The following SCARA5 variants were observed in gnomAD, a reference collection of about 807,000 sequenced individuals.
The protein encoded by SCARA5 is scavenger receptor class A, member 5 (putative).
Under a neutral mutation model 46.3 loss-of-function variants are expected in SCARA5, and 45 were observed. The ratio of observed to expected loss-of-function variants is 0.97; its 90% CI spans 0.76 to 1.24. The LOEUF is 1.24. Among genes scored for constraint, SCARA5 ranks in the 50% most tolerant of loss-of-function variants. SCARA5 has a pLI of 0.00. For synonymous variants in SCARA5, 333 were observed against 306.5 expected (o/e 1.09, Z -0.90); for missense variants, 680 against 689.0 (o/e 0.99, Z 0.15).
At chr8:27,899,918 A>G (rs1376562265) in intron 7 of SCARA5, among the ~76,000 whole-genome samples, 1 of 152,160 alleles carries the variant, frequency 6.6e-6, no homozygotes, top group African/African-American at 2.4e-5. Flanking sequence ...CAGGCAGATC[A>G]CCTGAGGTCA....
At chr8:27,966,574 G>A in intron 2 of SCARA5, 32 bp from the exon 3 acceptor site, 1 of 1,575,462 alleles carries the variant, frequency 6.3e-7, no homozygotes, top group Non-Finnish European at 8.6e-7. Context: ...AGGAAGGAAA[G>A]AAGACACTTA....
At chr8:27,975,620 G>A (rs1396998738) in intron 2 of SCARA5, among the ~76,000 whole-genome samples, 1 of 152,258 alleles carries the variant, frequency 6.6e-6, no homozygotes, top group Admixed American at 6.5e-5. Context: ...TGTTGATGGA[G>A]AGAAATCCTC....
chr8:27,930,928 G>C (rs1807760966), intron 3 of SCARA5, among the ~76,000 whole-genome samples: 2 of 152,198 alleles, frequency 1.3e-5, no homozygotes, highest in African/African-American at 4.8e-5. Flanking sequence ...ATCTAGGGCA[G>C]AGTGTCAGAA....
intron 6 of SCARA5, 131 bp from the exon 7 acceptor site, chr8:27,904,965 GCC>G: frequency 1.3e-6 from 1 of 780,154 alleles, no homozygotes; most frequent in Non-Finnish European, 2.1e-6. Flanking sequence ...CAACTGGAGA[GCC>G]CAGCAGGCAG....
chr8:27,963,990 A>G (rs1808327714), intron 3 of SCARA5, among the ~76,000 whole-genome samples: 1 of 152,190 alleles, frequency 6.6e-6, no homozygotes, highest in Non-Finnish European at 1.5e-5. Context: ...CAAGAAGGGG[A>G]AGCCCTCTCC....
chr8:27,987,470 T>A (rs765179872), intron 2 of SCARA5, 34 bp downstream of exon 2: 1 of 1,495,564 alleles, frequency 6.7e-7, no homozygotes, highest in Non-Finnish European at 9.3e-7. Flanking sequence ...CCAGGCCAGA[T>A]CTTGTGCCCC....
At chr8:27,955,618 G>A (rs190252389) in intron 3 of SCARA5, among the ~76,000 whole-genome samples, 7 of 152,330 alleles carry the variant, frequency 4.6e-5, no homozygotes, top group African/African-American at 1.7e-4. Flanking sequence ...AGACCAGGGA[G>A]GGCCACTGCC....
At chr8:27,932,079 A>C (rs1267622189) in intron 3 of SCARA5, among the ~76,000 whole-genome samples, 1 of 152,100 alleles carries the variant, frequency 6.6e-6, no homozygotes, top group Non-Finnish European at 1.5e-5. Context: ...TTCTGGGCTC[A>C]AGAGATCCTC....
In SCARA5 at chr8:27,926,651, G is replaced by A. The variant is rs143715546; in HGVS notation, c.242-4406C>T. Among the ~76,000 whole-genome samples, 733 of 152,208 alleles carry A rather than the reference G, an allele frequency of 4.8e-3. 7 individuals are homozygous for A. Among genetic ancestry groups the A allele is most frequent in the Non-Finnish European group, 5.0e-3 (340 of 68,014 alleles). On this transcript the variant is annotated intron_variant, in intron 3 of 8. Coordinates refer to ENST00000354914, the MANE Select transcript of SCARA5 (RefSeq NM_173833.6). ...CTCTCAGAGGATCACAAACACTGCC[G>A]TATAATCTAGACCTTAACTATTTCC...
intron 7 of SCARA5, among the ~76,000 whole-genome samples, chr8:27,898,839 A>G (rs1585472584): frequency 6.6e-6 from 1 of 152,190 alleles, no homozygotes; most frequent in African/African-American, 2.4e-5. Flanking sequence ...AGTCATGCTA[A>G]TGTAATGAAA....
intron 8 of SCARA5, among the ~76,000 whole-genome samples, chr8:27,874,589 C>T: frequency 6.6e-6 from 1 of 152,214 alleles, no homozygotes; most frequent in South Asian, 2.1e-4. Flanking sequence ...ACCACCTGGC[C>T]CACAAAGCTT....
At chr8:27,912,608 G>A (rs1807395958) in intron 4 of SCARA5, among the ~76,000 whole-genome samples, 1 of 152,226 alleles carries the variant, frequency 6.6e-6, no homozygotes, top group African/African-American at 2.4e-5. Flanking sequence ...GCAGCAAAGG[G>A]AACTGGGAGA....
At chr8:27,959,276 T>G (rs1405621004) in intron 3 of SCARA5, among the ~76,000 whole-genome samples, 1 of 152,056 alleles carries the variant, frequency 6.6e-6, no homozygotes, top group East Asian at 1.9e-4. Context: ...GAATTTAAAC[T>G]AATATCAACA....
chr8:27,907,423 G>C (rs1463894455), intron 5 of SCARA5, among the ~76,000 whole-genome samples, 177 bp from the exon 6 acceptor site: 1 of 152,078 alleles, frequency 6.6e-6, no homozygotes, highest in African/African-American at 2.4e-5. Context: ...GGTCCACATG[G>C]ACCCTCCCAT....
intron 4 of SCARA5, among the ~76,000 whole-genome samples, chr8:27,915,466 G>A (rs1217253378): frequency 2.0e-5 from 3 of 152,170 alleles, no homozygotes; most frequent in Non-Finnish European, 4.4e-5. Flanking sequence ...GCCCTCAGTA[G>A]AACAGAAAGG....
intron 2 of SCARA5, among the ~76,000 whole-genome samples, chr8:27,980,798 C>T (rs768074929): frequency 4.3e-4 from 65 of 152,182 alleles, no homozygotes; most frequent in Non-Finnish European, 9.3e-4. Flanking sequence ...TTCTAATATT[C>T]GAGAAACAGG....
intron 6 of SCARA5, 75 bp downstream of exon 6, chr8:27,907,073 T>A: frequency 9.8e-7 from 1 of 1,018,028 alleles, no homozygotes; most frequent in Non-Finnish European, 1.5e-6. Flanking sequence ...ATAAGAGTCC[T>A]GGTCCCCCAT....
At chr8:27,983,783 C>A (rs543393930) in intron 2 of SCARA5, among the ~76,000 whole-genome samples, 2 of 152,156 alleles carry the variant, frequency 1.3e-5, no homozygotes, top group African/African-American at 4.8e-5. Flanking sequence ...TGCCAGTGAC[C>A]GGACCCGGGA....
At chr8:27,937,312 C>G (rs1290576838) in intron 3 of SCARA5, among the ~76,000 whole-genome samples, 1 of 152,148 alleles carries the variant, frequency 6.6e-6, no homozygotes, top group African/African-American at 2.4e-5. Context: ...ATCCTGGGAC[C>G]AACCTGGGAC....
Sources: gnomAD v4.1 joint callset for allele counts (sites outside exome capture counted in the v4.1 genomes callset) on GRCh38, gnomAD v4.1.1 for gene constraint, MANE v1.5 for transcripts, NCBI Gene and HGNC (gene_info 2026-07-23, HGNC 2026-07-21) for gene names.